Variants in LRRC3B observed in about 807,000 individuals in gnomAD.
LRRC3B encodes leucine rich repeat containing 3B.
A neutral mutation model predicts 12.8 loss-of-function variants in LRRC3B; 2 were observed. That is an observed-to-expected ratio of 0.16 (90% CI 0.06 to 0.49). LRRC3B has a LOEUF of 0.49. LRRC3B is among the 20% of genes least tolerant of loss of function. The pLI is 0.96. For missense variants in LRRC3B, 189 were observed against 319.4 expected (o/e 0.59, Z 3.11); for synonymous variants, 132 against 122.0 (o/e 1.08, Z -0.54).
intron 1 of LRRC3B, among the ~76,000 whole-genome samples, chr3:26,676,078 C>CT (rs997808469): frequency 1.9e-4 from 28 of 148,130 alleles, no homozygotes; most frequent in East Asian, 1.4e-3. Context: ...CCTGTTTTTT[C>CT]TTTTTTTTTA....
At chr3:26,646,629 A>AC in intron 1 of LRRC3B, among the ~76,000 whole-genome samples, 1 of 145,954 alleles carries the variant, frequency 6.9e-6, no homozygotes, top group South Asian at 2.1e-4. Context: ...AAAAAAAAAA[A>AC]AAAAAAACGG....
intron 1 of LRRC3B, among the ~76,000 whole-genome samples, chr3:26,692,827 G>A (rs1700218814): frequency 6.6e-6 from 1 of 152,194 alleles, no homozygotes; most frequent in Admixed American, 6.5e-5. Flanking sequence ...TAGCTTGGTG[G>A]TTCTTCTAGT....
intron 1 of LRRC3B, among the ~76,000 whole-genome samples, chr3:26,633,636 G>A (rs1453174329): frequency 1.3e-5 from 2 of 152,122 alleles, no homozygotes; most frequent in Non-Finnish European, 2.9e-5. Context: ...ACCGAATCCT[G>A]GAAGATGATT....
intron 1 of LRRC3B, among the ~76,000 whole-genome samples, chr3:26,696,555 G>C (rs28688680): frequency 0.34 from 51,260 of 151,950 alleles, 11,768 homozygotes; most frequent in African/African-American, 0.64. Context: ...TCCATTTTGC[G>C]TAGGACTGTT....
intron 1 of LRRC3B, among the ~76,000 whole-genome samples, chr3:26,634,408 A>G (rs1483902111): frequency 6.6e-6 from 1 of 152,252 alleles, no homozygotes; most frequent in Non-Finnish European, 1.5e-5. Flanking sequence ...TTTTAACAAT[A>G]GATGGGGGAA....
chr3:26,646,324 T>C (rs1370805839), intron 1 of LRRC3B, among the ~76,000 whole-genome samples: 1 of 152,104 alleles, frequency 6.6e-6, no homozygotes, highest in African/African-American at 2.4e-5. Flanking sequence ...CTAAAGCAAT[T>C]TGAATTCATG....
rs565665125 is a variant in LRRC3B at position 26,666,968 on chromosome 3, G to A, written c.-160-42545G>A. Among the ~76,000 whole-genome samples, 7 of 152,040 alleles carry A rather than the reference G, an allele frequency of 4.6e-5. No homozygotes were observed. In the South Asian group the frequency reaches 1.2e-3, roughly 27 times the overall value. On this transcript the variant is annotated intron_variant, in intron 1 of 1. Transcript: ENST00000396641. ...TGTAGGGATTTTAACTAAAAAGAGC[G>A]GTATTACTAACAACTAACAACTTTT... is the stretch of plus-strand genomic sequence containing the variant.
intron 1 of LRRC3B, among the ~76,000 whole-genome samples, chr3:26,709,152 G>A (rs1559376387): frequency 6.6e-6 from 1 of 152,246 alleles, no homozygotes; most frequent in East Asian, 1.9e-4. Flanking sequence ...TTACATTAAT[G>A]CATCTGTTAT....
At chr3:26,635,631 A>T (rs1348110875) in intron 1 of LRRC3B, among the ~76,000 whole-genome samples, 1 of 152,250 alleles carries the variant, frequency 6.6e-6, no homozygotes, top group Non-Finnish European at 1.5e-5. Flanking sequence ...TGAGAAATGA[A>T]TTCCTGTTGT....
At chr3:26,630,839 T>G (rs1698742171) in intron 1 of LRRC3B, among the ~76,000 whole-genome samples, 3 of 152,176 alleles carry the variant, frequency 2.0e-5, no homozygotes, top group Admixed American at 2.0e-4. Context: ...ATTTATCATT[T>G]CCCACTGGGA....
intron 1 of LRRC3B, among the ~76,000 whole-genome samples, chr3:26,642,608 G>A (rs959048441): frequency 3.9e-5 from 6 of 152,112 alleles, no homozygotes; most frequent in South Asian, 2.1e-4. Flanking sequence ...CAGCCACCCC[G>A]ACCCCACACA....
At chr3:26,681,596 G>C (rs1476595479) in intron 1 of LRRC3B, among the ~76,000 whole-genome samples, 1 of 152,084 alleles carries the variant, frequency 6.6e-6, no homozygotes, top group Non-Finnish European at 1.5e-5. Context: ...TATCTTTCAG[G>C]GTAGCTCTGG....
rs1407525146 is a variant in LRRC3B, at chr3:26,683,799, G to T, written c.-160-25714G>T. On this transcript the variant is annotated intron_variant, in intron 1 of 1. Coordinates refer to ENST00000396641, the Ensembl canonical transcript of LRRC3B. The stretch of plus-strand genomic sequence containing the variant: ...ACCTCCCCTAACCTCATTTATTTGT[G>T]TAGAGATAGGATGCACACTTTTCCT... Among the ~76,000 whole-genome samples, 3 of 152,304 alleles carry T rather than the reference G, an allele frequency of 2.0e-5. No individual in the cohort carries two copies. The East Asian group carries it at 5.8e-4, about 29-fold the overall frequency.
intron 1 of LRRC3B, among the ~76,000 whole-genome samples, chr3:26,695,062 G>T (rs1476520501): frequency 6.6e-6 from 1 of 151,280 alleles, no homozygotes; most frequent in East Asian, 2.0e-4. Flanking sequence ...GTGTGTAGAT[G>T]CTTCTGTTCT....
chr3:26,685,501 C>CTCTCTCTG (rs1700059388), intron 1 of LRRC3B, among the ~76,000 whole-genome samples: 1 of 45,562 alleles, frequency 2.2e-5, no homozygotes, highest in African/African-American at 8.8e-5. Context: ...CTCTCTCTCT[C>CTCTCTCTG]TCTCTCTCTC....
At chr3:26,664,442 T>C (rs1699557427) in intron 1 of LRRC3B, among the ~76,000 whole-genome samples, 1 of 152,128 alleles carries the variant, frequency 6.6e-6, no homozygotes, top group African/African-American at 2.4e-5. Flanking sequence ...ATCCCCAGCC[T>C]CTAGTGCCAT....
intron 1 of LRRC3B, among the ~76,000 whole-genome samples, chr3:26,702,415 A>G (rs780897055): frequency 2.2e-4 from 33 of 152,184 alleles, no homozygotes; most frequent in Non-Finnish European, 3.8e-4. Flanking sequence ...CTCATGGGCC[A>G]GAACTTTATA....
At chr3:26,672,926 G>C (rs1373732865) in intron 1 of LRRC3B, among the ~76,000 whole-genome samples, 2 of 152,150 alleles carry the variant, frequency 1.3e-5, no homozygotes, top group African/African-American at 4.8e-5. Context: ...ATGACTTTGA[G>C]AGAACAGCAC....
intron 1 of LRRC3B, among the ~76,000 whole-genome samples, chr3:26,664,507 A>G (rs1699558978): frequency 6.6e-6 from 1 of 152,104 alleles, no homozygotes; most frequent in Non-Finnish European, 1.5e-5. Context: ...ACTGTAAACA[A>G]TAAAGTTGAG....
Sources: allele counts gnomAD v4.1 joint callset (sites outside exome capture counted in the v4.1 genomes callset), GRCh38; gene constraint gnomAD v4.1.1; transcripts MANE v1.5; gene names NCBI Gene and HGNC (gene_info 2026-07-23, HGNC 2026-07-21).